Variants in NR5A2 observed in about 807,000 individuals in gnomAD.
NR5A2 encodes CYP7A promoter-binding factor.
Under a neutral mutation model 62.7 loss-of-function variants are expected in NR5A2, and 26 were observed. The ratio of observed to expected loss-of-function variants is 0.41; its 90% CI spans 0.30 to 0.58. The LOEUF (loss-of-function observed/expected upper bound fraction) is 0.58, where lower values mean the gene tolerates loss of function less well. Ranked by LOEUF, NR5A2 falls within the 20% of genes least tolerant of loss-of-function variation. The pLI is 0.22. For missense variants in NR5A2, 541 were observed against 669.1 expected (o/e 0.81, Z 2.11); for synonymous variants, 246 against 241.7 (o/e 1.02, Z -0.16).
chr1:200,097,394 C>T (rs1463841329), intron 5 of NR5A2, among the ~76,000 whole-genome samples: 2 of 152,210 alleles, frequency 1.3e-5, no homozygotes, highest in African/African-American at 4.8e-5. Flanking sequence ...CTTCGTCACT[C>T]ACCTCTGTTA....
chr1:200,138,225 G>C (rs949373625), intron 7 of NR5A2, among the ~76,000 whole-genome samples: 5 of 152,096 alleles, frequency 3.3e-5, no homozygotes, highest in African/African-American at 1.2e-4. Flanking sequence ...TCTATTGTTG[G>C]ACAATTACTT....
At chr1:200,073,288 ATATTCCCCTT>A (rs1413300189) in intron 5 of NR5A2, among the ~76,000 whole-genome samples, 6 of 78,632 alleles carry the variant, frequency 7.6e-5, no homozygotes, top group African/African-American at 3.7e-4. Context: ...ATATATATAT[ATATTCCCCTT>A]TATATATATA....
chr1:200,142,246 CT>C (rs1667477721), intron 7 of NR5A2, among the ~76,000 whole-genome samples: 1 of 122,158 alleles, frequency 8.2e-6, no homozygotes, highest in Non-Finnish European at 1.6e-5. Flanking sequence ...GTTGCCCAGG[CT>C]AGAGTGCAGT....
intron 5 of NR5A2, among the ~76,000 whole-genome samples, chr1:200,067,473 T>C (rs1184788722): frequency 6.6e-6 from 1 of 152,174 alleles, no homozygotes; most frequent in Non-Finnish European, 1.5e-5. Flanking sequence ...GGACAGTTGC[T>C]TGAACCTGGG....
intron 1 of NR5A2, chr1:200,038,725 G>C: frequency 3.7e-6 from 5 of 1,366,058 alleles, no homozygotes; most frequent in Non-Finnish European, 4.9e-6. Context: ...CGCTCTGGCT[G>C]CTTCTCCTTC....
At chr1:200,148,877 A>G (rs1228079147) in intron 7 of NR5A2, among the ~76,000 whole-genome samples, 1 of 141,306 alleles carries the variant, frequency 7.1e-6, no homozygotes, top group Admixed American at 7.0e-5. Context: ...TTTGTCTCCA[A>G]CTCCTAGCCC....
intron 3 of NR5A2, chr1:200,044,095 A>G (rs1662249951): frequency 4.6e-6 from 2 of 434,334 alleles, no homozygotes; most frequent in East Asian, 7.1e-5. Context: ...GCTGTTTAGA[A>G]AACTTTGCCA....
In NR5A2 at chr1:200,174,091, C is replaced by G; in HGVS notation, c.1507C>G (p.Leu503Val). The change falls in exon 8 of 8, where the codon CTA becomes GTA. Residue 503 changes from leucine (L) to valine (V), a missense_variant. Leu to Val is a conservative substitution (Grantham distance 32, BLOSUM62 1). Coordinates refer to ENST00000367362, the MANE Select transcript of NR5A2 (RefSeq NM_205860.3). ...TEKFGQLLLRLPEIRAISMQA... is the reference protein window; with the variant it reads ...TEKFGQLLLRVPEIRAISMQA... ...GAAATTTGGACAGCTACTTCTTCGA[C>G]TACCCGAAATCCGGGCCATCAGTAT... 6.2e-7 allele frequency: 1 copy of G among 1,613,930 alleles called. No individual in the cohort carries two copies. The highest frequency in any genetic ancestry group is 8.5e-7 in the Non-Finnish European group (1 of 1,179,982).
rs760523452 is a variant in NR5A2, at chr1:200,039,633, T to C, written c.65-25T>C. On this transcript the variant is annotated intron_variant, in intron 1 of 7. Coordinates refer to ENST00000367362, the MANE Select transcript of NR5A2 (RefSeq NM_205860.3). The surrounding 1 kb of genome is among the most constrained non-coding windows in gnomAD (Gnocchi z 5.1). ...CGCCCCTTCCTTCTTTTCGCCGGAG[T>C]TGAATCTGTGCTGCCCGTGTCCAGG... 8 of 1,607,426 alleles carry C rather than the reference T, an allele frequency of 5.0e-6. No individual in the cohort carries two copies. In the East Asian group the frequency reaches 1.4e-4, roughly 27 times the overall value.
chr1:200,083,608 A>AT (rs201915830), intron 5 of NR5A2, among the ~76,000 whole-genome samples: 1,741 of 152,244 alleles, frequency 0.011, 19 homozygotes, highest in Non-Finnish European at 0.017. Context: ...ATTGCTTTAC[A>AT]TTTACACAGT....
intron 7 of NR5A2, among the ~76,000 whole-genome samples, chr1:200,127,289 G>A (rs1666745645): frequency 6.6e-6 from 1 of 152,130 alleles, no homozygotes. Context: ...GGTTTGAACT[G>A]TGTGGGTCCA....
At chr1:200,059,041 C>T (rs577649014) in intron 5 of NR5A2, among the ~76,000 whole-genome samples, 2 of 151,932 alleles carry the variant, frequency 1.3e-5, no homozygotes, top group Admixed American at 6.6e-5. Context: ...CCTCAGGAGG[C>T]GGAGGTTGCA....
At chr1:200,067,831 C>CA (rs1663564343) in intron 5 of NR5A2, among the ~76,000 whole-genome samples, 4 of 152,308 alleles carry the variant, frequency 2.6e-5, no homozygotes, top group South Asian at 4.1e-4. Context: ...CACCAGTGTG[C>CA]AAATTCAGTT....
chr1:200,142,361 G>A (rs755348635), intron 7 of NR5A2, among the ~76,000 whole-genome samples: 114 of 151,332 alleles, frequency 7.5e-4, no homozygotes, highest in African/African-American at 2.3e-3. Context: ...CACCACGCCC[G>A]GCTAATTTTT....
intron 1 of NR5A2, among the ~76,000 whole-genome samples, chr1:200,028,511 T>C (rs1661431613): frequency 6.6e-6 from 1 of 151,854 alleles, no homozygotes; most frequent in Non-Finnish European, 1.5e-5. Flanking sequence ...AATTAGTATA[T>C]TTTGTTTTTA....
At chr1:200,040,730 G>T (rs1042524470) in intron 2 of NR5A2, among the ~76,000 whole-genome samples, 5 of 152,354 alleles carry the variant, frequency 3.3e-5, no homozygotes, top group East Asian at 3.9e-4. Context: ...CCCCTTGCGC[G>T]AACTTGAAAG....
chr1:200,160,852 G>C (rs1191781710), intron 7 of NR5A2, among the ~76,000 whole-genome samples: 1 of 151,730 alleles, frequency 6.6e-6, no homozygotes, highest in African/African-American at 2.4e-5. Context: ...TCATAGTCTT[G>C]ACTTGCCACC....
At chr1:200,043,947 A>G (rs978636816) in intron 3 of NR5A2, 55 bp downstream of exon 3, 1 of 1,136,418 alleles carries the variant, frequency 8.8e-7, no homozygotes, top group East Asian at 2.4e-5. Flanking sequence ...AAAATAAACC[A>G]GTGGATTACT....
At chr1:200,081,045 A>G (rs1267636421) in intron 5 of NR5A2, among the ~76,000 whole-genome samples, 1 of 152,230 alleles carries the variant, frequency 6.6e-6, no homozygotes, top group Non-Finnish European at 1.5e-5. Flanking sequence ...ATATTTAATA[A>G]CTTTCTTAGA....
Sources: allele counts gnomAD v4.1 joint callset (sites outside exome capture counted in the v4.1 genomes callset), GRCh38; gene constraint gnomAD v4.1.1; non-coding constraint Gnocchi (gnomAD v3.1); transcripts MANE v1.5; gene names NCBI Gene and HGNC (gene_info 2026-07-23, HGNC 2026-07-21).